Variants in CAPS2 observed in about 807,000 individuals in gnomAD.
The protein encoded by CAPS2 is calcyphosine 2, also known as calcyphosin-2.
Under a neutral mutation model 86.5 loss-of-function variants are expected in CAPS2, and 98 were observed. That is an observed-to-expected ratio of 1.13 (90% CI 0.96 to 1.34). The LOEUF (loss-of-function observed/expected upper bound fraction) is 1.34, where lower values mean the gene tolerates loss of function less well. CAPS2 is among the 40% of genes most tolerant of loss of function. CAPS2 has a pLI of 0.00. For missense variants in CAPS2, 729 were observed against 686.8 expected (o/e 1.06, Z -0.69); for synonymous variants, 210 against 225.1 (o/e 0.93, Z 0.60).
At chr12:75,299,933 C>A in intron 8 of CAPS2, 22 bp from the exon 9 acceptor site, 1 of 1,109,362 alleles carries the variant, frequency 9.0e-7, no homozygotes, top group South Asian at 1.9e-5. Flanking sequence ...TACATTTTGT[C>A]AGTAATTTTT....
At chr12:75,381,829 G>T (rs1451312896) in intron 1 of CAPS2, among the ~76,000 whole-genome samples, 2 of 151,962 alleles carry the variant, frequency 1.3e-5, no homozygotes, top group Admixed American at 1.3e-4. Flanking sequence ...TGGTCAGGAT[G>T]GTCTCGATCT....
At chr12:75,284,178 A>G (rs1328415324) in intron 15 of CAPS2, among the ~76,000 whole-genome samples, 1 of 152,196 alleles carries the variant, frequency 6.6e-6, no homozygotes, top group Non-Finnish European at 1.5e-5. Flanking sequence ...ACGAATAAGT[A>G]CACATTTATA....
intron 1 of CAPS2, among the ~76,000 whole-genome samples, chr12:75,374,120 G>A (rs1566026932): frequency 6.6e-6 from 1 of 152,098 alleles, no homozygotes; most frequent in Non-Finnish European, 1.5e-5. Flanking sequence ...TTCACCTATG[G>A]GAGCCCGCCA....
At chr12:75,288,672 G>A (rs1321644532) in intron 14 of CAPS2, among the ~76,000 whole-genome samples, 1 of 152,142 alleles carries the variant, frequency 6.6e-6, no homozygotes, top group Non-Finnish European at 1.5e-5. Flanking sequence ...AGACTTTAAT[G>A]TACCAGACAT....
intron 5 of CAPS2, among the ~76,000 whole-genome samples, chr12:75,320,083 A>G (rs905984668): frequency 6.6e-5 from 10 of 152,266 alleles, no homozygotes; most frequent in East Asian, 1.9e-4. Flanking sequence ...ATAGATTCTA[A>G]AAAATCAGTG....
intron 1 of CAPS2, among the ~76,000 whole-genome samples, chr12:75,335,118 G>A (rs1328608698): frequency 6.6e-6 from 1 of 152,168 alleles, no homozygotes; most frequent in Admixed American, 6.5e-5. Context: ...CCTCTTGCGG[G>A]GAAGGTGGGG....
chr12:75,293,379 A>G lies in CAPS2; in HGVS notation c.1045-12T>C, dbSNP rs2036342881. On this transcript the variant is annotated splice_polypyrimidine_tract_variant and intron_variant, in intron 11 of 16. Coordinates refer to ENST00000393284, the Ensembl canonical transcript of CAPS2. ...GTCAAGGTTGCACCCTAAACAAAAG[A>G]ACAGATGAATGAAGCTAGAAAGCAT... 1 of 1,506,282 alleles carries G rather than the reference A, an allele frequency of 6.6e-7. No homozygotes were observed. The highest frequency in any genetic ancestry group is 1.4e-5 in the African/African-American group (1 of 72,506). 93.3% of individuals were successfully genotyped at this position (1,506,282 alleles called of 1,614,324 possible).
At chr12:75,302,300 A>G (rs1272275262) in intron 8 of CAPS2, among the ~76,000 whole-genome samples, 1 of 152,246 alleles carries the variant, frequency 6.6e-6, no homozygotes, top group Non-Finnish European at 1.5e-5. Flanking sequence ...AATACAACGC[A>G]ATACTAATTA....
chr12:75,316,183 T>G, intron 6 of CAPS2, 129 bp downstream of exon 6: 1 of 1,152,058 alleles, frequency 8.7e-7, no homozygotes, highest in African/African-American at 1.6e-5. Flanking sequence ...GACTCAATTT[T>G]CCATTAATGA....
chr12:75,378,525 C>T (rs1375129340), intron 1 of CAPS2, among the ~76,000 whole-genome samples: 2 of 152,108 alleles, frequency 1.3e-5, no homozygotes, highest in Non-Finnish European at 2.9e-5. Context: ...TTAGGGCAAG[C>T]TGTCAGGATG....
At chr12:75,314,934 C>T (rs1037789626) in intron 6 of CAPS2, among the ~76,000 whole-genome samples, 1 of 152,130 alleles carries the variant, frequency 6.6e-6, no homozygotes, top group East Asian at 1.9e-4. Context: ...TACAAAATGA[C>T]AAAGGAGCTA....
chr12:75,338,268 A>T (rs995583739), intron 1 of CAPS2, among the ~76,000 whole-genome samples: 5 of 152,202 alleles, frequency 3.3e-5, no homozygotes, highest in Admixed American at 3.3e-4. Flanking sequence ...TCTCAGGAAT[A>T]AAAAGTTGAA....
chr12:75,305,764 G>A lies in CAPS2; in HGVS notation c.660-888C>T, dbSNP rs114864805. Reference sequence around the variant, plus strand: ...AGGACCAGAAGAAGATGATCATCTGGTTTCCAGACATGGTGAAGGATGTCG... The same window carrying A: ...AGGACCAGAAGAAGATGATCATCTGATTTCCAGACATGGTGAAGGATGTCG... On this transcript the variant is annotated intron_variant, in intron 7 of 16. Transcript: ENST00000393284. 1.2e-3 allele frequency: 832 copies of A among 714,406 alleles called. 4 individuals are homozygous for A. In the African/African-American group the frequency reaches 0.013, roughly 11 times the overall value. The allele number at this position is 714,406 out of a possible 1,614,324, so 44.3% of individuals were successfully genotyped here.
intron 13 of CAPS2, among the ~76,000 whole-genome samples, 155 bp downstream of exon 13, chr12:75,291,589 A>ATT (rs1565794022): frequency 4.3e-5 from 4 of 93,904 alleles, no homozygotes; most frequent in African/African-American, 1.3e-4. Context: ...ATATATATAT[A>ATT]TATATATATA....
chr12:75,305,790 T>A (rs2038401299), intron 7 of CAPS2: 6 of 732,472 alleles, frequency 8.2e-6, no homozygotes, highest in Non-Finnish European at 1.5e-5. Flanking sequence ...AAGGATGTCG[T>A]CGGCAGCTAC....
intron 14 of CAPS2, among the ~76,000 whole-genome samples, chr12:75,286,688 G>A (rs181431141): frequency 1.3e-5 from 2 of 151,946 alleles, no homozygotes; most frequent in Admixed American, 1.3e-4. Context: ...GGCTGACTAT[G>A]CCTTCCCACA....
At chr12:75,336,121 T>C (rs574931978) in intron 1 of CAPS2, among the ~76,000 whole-genome samples, 2 of 152,086 alleles carry the variant, frequency 1.3e-5, no homozygotes, top group African/African-American at 4.8e-5. Context: ...GTTCCTTATA[T>C]TGTTAAGAAT....
chr12:75,372,096 C>T (rs1418863246), intron 1 of CAPS2, among the ~76,000 whole-genome samples: 1 of 152,172 alleles, frequency 6.6e-6, no homozygotes, highest in Non-Finnish European at 1.5e-5. Context: ...CTCACTGCAA[C>T]CTCCGCCTGC....
chr12:75,335,242 C>T (rs894296005), intron 1 of CAPS2, among the ~76,000 whole-genome samples: 11 of 152,006 alleles, frequency 7.2e-5, no homozygotes, highest in African/African-American at 2.4e-4. Context: ...TTCCACCCCC[C>T]ACAACCAAGA....
Sources: gnomAD v4.1 joint callset for allele counts (sites outside exome capture counted in the v4.1 genomes callset) on GRCh38, gnomAD v4.1.1 for gene constraint, MANE v1.5 for transcripts, NCBI Gene and HGNC (gene_info 2026-07-23, HGNC 2026-07-21) for gene names.